The following NRXN1 variants were observed in gnomAD, a reference collection of about 807,000 sequenced individuals.
NRXN1 encodes neurexin-1.
Under a neutral mutation model 150.9 loss-of-function variants are expected in NRXN1, and 39 were observed. The observed-to-expected ratio is 0.26, with a 90% CI of 0.20 to 0.34. The LOEUF is 0.34. Ranked by LOEUF, NRXN1 falls within the 10% of genes least tolerant of loss-of-function variation. NRXN1 has a pLI of 1.00. For missense variants in NRXN1, 1,815 were observed against 1,949.9 expected (o/e 0.93, Z 1.30); for synonymous variants, 924 against 757.0 (o/e 1.22, Z -3.62).
intron 17 of NRXN1, among the ~76,000 whole-genome samples, chr2:50,321,608 G>A (rs1410529771): frequency 1.3e-5 from 2 of 152,082 alleles, no homozygotes; most frequent in South Asian, 2.1e-4. Flanking sequence ...AGAAACGGAA[G>A]GTATTGAATA....
intron 8 of NRXN1, among the ~76,000 whole-genome samples, chr2:50,585,410 T>G (rs527482109): frequency 6.6e-5 from 10 of 152,088 alleles, no homozygotes; most frequent in African/African-American, 2.4e-4. Context: ...GTGTAGATTA[T>G]CAGTTTTGCA....
chr2:50,988,176 C>A (rs993921100), intron 2 of NRXN1, among the ~76,000 whole-genome samples: 7 of 152,110 alleles, frequency 4.6e-5, no homozygotes, highest in South Asian at 2.1e-4. Context: ...TAATTTACCA[C>A]ATGAGTCTTG....
At chr2:50,172,966 C>CA (rs980937611) in intron 18 of NRXN1, among the ~76,000 whole-genome samples, 5 of 151,792 alleles carry the variant, frequency 3.3e-5, no homozygotes, top group African/African-American at 7.2e-5. Flanking sequence ...GACTCCGTCT[C>CA]AAAAAAATAA....
chr2:50,593,894 A>G (rs2103845613), intron 8 of NRXN1, among the ~76,000 whole-genome samples: 1 of 152,326 alleles, frequency 6.6e-6, no homozygotes, highest in Non-Finnish European at 1.5e-5. Context: ...TACCCTTGAT[A>G]CCTTAGCCTC....
chr2:50,989,622 G>C (rs1289445812), intron 2 of NRXN1, among the ~76,000 whole-genome samples: 2 of 151,940 alleles, frequency 1.3e-5, no homozygotes, highest in Non-Finnish European at 2.9e-5. Context: ...GTTGTTGCCT[G>C]TATTCGTATT....
intron 21 of NRXN1, among the ~76,000 whole-genome samples, chr2:49,944,921 C>CTT (rs900434250): frequency 2.0e-5 from 3 of 152,022 alleles, no homozygotes; most frequent in African/African-American, 7.2e-5. Context: ...AAAGGAGCAC[C>CTT]TAATATTGTC....
chr2:50,428,772 G>A (rs777413640), intron 17 of NRXN1, among the ~76,000 whole-genome samples: 1 of 152,108 alleles, frequency 6.6e-6, no homozygotes, highest in Non-Finnish European at 1.5e-5. Context: ...ATGCTAAGAG[G>A]TTTACATTAA....
At chr2:50,501,347 A>G (rs1263686695) in intron 13 of NRXN1, among the ~76,000 whole-genome samples, 1 of 151,188 alleles carries the variant, frequency 6.6e-6, no homozygotes, top group Non-Finnish European at 1.5e-5. Context: ...ATTCAGAGCT[A>G]AGGAGGATTT....
At chr2:50,052,596 TA>T in intron 21 of NRXN1, among the ~76,000 whole-genome samples, 1 of 152,286 alleles carries the variant, frequency 6.6e-6, no homozygotes, top group African/African-American at 2.4e-5. Flanking sequence ...ATGCCACATT[TA>T]AAAATCATAT....
chr2:50,231,582 A>T (rs2064943663), intron 18 of NRXN1, among the ~76,000 whole-genome samples: 1 of 152,122 alleles, frequency 6.6e-6, no homozygotes, highest in African/African-American at 2.4e-5. Context: ...AAAAATGTGC[A>T]ACAATTCACT....
At chr2:50,023,108 T>C (rs1051354924) in intron 21 of NRXN1, 4 of 152,190 alleles carry the variant, frequency 2.6e-5, no homozygotes, top group Non-Finnish European at 4.4e-5. Context: ...CCTTGATATA[T>C]GTACATATAC....
At position 50,275,129 on chromosome 2, in the gene NRXN1, A is replaced by G. The variant is rs530432079; in HGVS notation, c.3365-38159T>C. On this transcript the variant is annotated intron_variant, in intron 17 of 22. Coordinates refer to ENST00000401669, the MANE Select transcript of NRXN1 (RefSeq NM_001330078.2). Reference sequence around the variant, plus strand: ...GTCCTGTGTAATTGGAAGTGAGGCTACTGGACTACAATGTTATCTTTTACA... The same window carrying G: ...GTCCTGTGTAATTGGAAGTGAGGCTGCTGGACTACAATGTTATCTTTTACA... Among the ~76,000 whole-genome samples the G allele has an allele frequency of 5.3e-5, 8 of 152,318 alleles. No homozygotes were observed. In the South Asian group the frequency reaches 1.4e-3, roughly 28 times the overall value.
chr2:50,550,471 T>C (rs1667275671), intron 9 of NRXN1, among the ~76,000 whole-genome samples: 1 of 151,994 alleles, frequency 6.6e-6, no homozygotes, highest in African/African-American at 2.4e-5. Context: ...AGTCAAATTA[T>C]AACATCCACA....
chr2:50,670,952 A>G (rs1190112550), intron 5 of NRXN1, among the ~76,000 whole-genome samples: 1 of 151,918 alleles, frequency 6.6e-6, no homozygotes, highest in Non-Finnish European at 1.5e-5. Flanking sequence ...AAAAGTTACT[A>G]TGTATCACTT....
chr2:50,801,201 G>A (rs578166650), intron 5 of NRXN1, among the ~76,000 whole-genome samples: 4 of 152,104 alleles, frequency 2.6e-5, no homozygotes, highest in South Asian at 4.1e-4. Flanking sequence ...TTCCAATATA[G>A]TGAGGTTTTT....
At chr2:50,975,156 A>G (rs995443485) in intron 2 of NRXN1, among the ~76,000 whole-genome samples, 5 of 152,120 alleles carry the variant, frequency 3.3e-5, no homozygotes, top group African/African-American at 1.2e-4. Flanking sequence ...TGATTTGATG[A>G]TGTCATCACT....
chr2:50,153,632 T>C (rs2058830823), intron 18 of NRXN1, among the ~76,000 whole-genome samples: 1 of 151,764 alleles, frequency 6.6e-6, no homozygotes, highest in Middle Eastern at 3.2e-3. Context: ...ACACCGACTT[T>C]CTAATTTCCT....
intron 3 of NRXN1, chr2:50,923,512 ATTCAC>A (rs768808541): frequency 9.0e-6 from 2 of 223,326 alleles, no homozygotes; most frequent in South Asian, 9.5e-5. Context: ...CTGCTTGACA[ATTCAC>A]TTCAAACTGA....
At chr2:50,009,857 A>T (rs1167214860) in intron 21 of NRXN1, among the ~76,000 whole-genome samples, 3 of 152,154 alleles carry the variant, frequency 2.0e-5, no homozygotes, top group Non-Finnish European at 2.9e-5. Flanking sequence ...CATTTGCATA[A>T]CTACTGTAAT....
Sources: gnomAD v4.1 joint callset for allele counts (sites outside exome capture counted in the v4.1 genomes callset) on GRCh38, gnomAD v4.1.1 for gene constraint, MANE v1.5 for transcripts, NCBI Gene and HGNC (gene_info 2026-07-23, HGNC 2026-07-21) for gene names.